FAM118B: variants seen among roughly 807,000 people sequenced by gnomAD.
FAM118B encodes the protein protein FAM118B.
Under a neutral mutation model 38.5 loss-of-function variants are expected in FAM118B, and 24 were observed. That is an observed-to-expected ratio of 0.62 (90% confidence interval 0.45 to 0.88). The LOEUF (loss-of-function observed/expected upper bound fraction) is 0.88, where lower values mean the gene tolerates loss of function less well. Ranked by LOEUF, FAM118B falls within the 40% of genes least tolerant of loss-of-function variation. The pLI is 0.00. For missense variants in FAM118B, 334 were observed against 420.0 expected (o/e 0.80, Z 1.79); for synonymous variants, 138 against 156.3 (o/e 0.88, Z 0.87).
intron 1 of FAM118B, among the ~76,000 whole-genome samples, chr11:126,226,808 C>T (rs540058859): frequency 4.3e-4 from 65 of 151,958 alleles, no homozygotes; most frequent in African/African-American, 1.5e-3. Context: ...TGGTGAAACC[C>T]CGTGTCTACA....
At chr11:126,234,788 A>T (rs992514715) in intron 2 of FAM118B, among the ~76,000 whole-genome samples, 1 of 152,320 alleles carries the variant, frequency 6.6e-6, no homozygotes, top group Non-Finnish European at 1.5e-5. Context: ...CCAAAGTCCT[A>T]TAATTTCCAG....
intron 4 of FAM118B, among the ~76,000 whole-genome samples, chr11:126,249,348 T>C (rs1254792736): frequency 6.6e-6 from 1 of 152,224 alleles, no homozygotes; most frequent in Non-Finnish European, 1.5e-5. Flanking sequence ...TTCTTCAGAA[T>C]AAACCTATGA....
At chr11:126,245,222 G>A (rs1308774273) in intron 4 of FAM118B, 1 of 151,872 alleles carries the variant, frequency 6.6e-6, no homozygotes, top group Non-Finnish European at 1.5e-5. Flanking sequence ...GATCAGTAGT[G>A]GGATTGCGTC....
intron 8 of FAM118B, among the ~76,000 whole-genome samples, 193 bp downstream of exon 8, chr11:126,261,677 A>G (rs572678998): frequency 8.5e-5 from 13 of 152,206 alleles, no homozygotes; most frequent in Non-Finnish European, 4.4e-5. Flanking sequence ...AATCTAGTGC[A>G]GTGATCAGTT....
At chr11:126,218,746 T>C (rs117709457) in intron 1 of FAM118B, among the ~76,000 whole-genome samples, 203 of 152,332 alleles carry the variant, frequency 1.3e-3, no homozygotes, top group Non-Finnish European at 2.4e-3. Context: ...GTGGCTGGTA[T>C]ATATGGATTT....
At chr11:126,217,076 G>A (rs1021836054) in intron 1 of FAM118B, among the ~76,000 whole-genome samples, 2 of 152,204 alleles carry the variant, frequency 1.3e-5, no homozygotes, top group Non-Finnish European at 2.9e-5. Flanking sequence ...AGACGTGGGA[G>A]GAAAGCAGAA....
At chr11:126,246,730 C>T (rs1182042904) in intron 4 of FAM118B, among the ~76,000 whole-genome samples, 1 of 152,048 alleles carries the variant, frequency 6.6e-6, no homozygotes, top group Non-Finnish European at 1.5e-5. Context: ...CTTGAGCTAC[C>T]ATGCCAATTT....
chr11:126,240,715 ACCTG>A lies in FAM118B; in HGVS notation c.87-76_87-73del, dbSNP rs377121357. ...CTATAAAAGTTAGCTAAAAACTGTA[ACCTG>A]AGTCAGACAGTCTTTCTGTGTGCCT... On this transcript the variant is annotated intron_variant, in intron 3 of 8. Coordinates refer to ENST00000533050, the MANE Select transcript of FAM118B (RefSeq NM_024556.4). 4.8e-4 allele frequency: 689 copies of A among 1,422,626 alleles called. 4 individuals carry two copies. In the African/African-American group the frequency reaches 8.0e-3, roughly 17 times the overall value. The allele number at this position is 1,422,626 out of a possible 1,614,324, so 88.1% of individuals were successfully genotyped here.
intron 3 of FAM118B, among the ~76,000 whole-genome samples, chr11:126,236,444 G>A (rs746532977): frequency 2.0e-5 from 3 of 152,138 alleles, no homozygotes; most frequent in Non-Finnish European, 4.4e-5. Context: ...TGTATTGTAT[G>A]ACCTCTTTCC....
chr11:126,249,187 C>A (rs1950463273), intron 4 of FAM118B, among the ~76,000 whole-genome samples: 1 of 151,726 alleles, frequency 6.6e-6, no homozygotes, highest in Non-Finnish European at 1.5e-5. Context: ...CCTACCTGGA[C>A]AACATAGCCA....
In FAM118B at chr11:126,214,673, A is replaced by G. The variant is rs368416337; in HGVS notation, c.-77+2843A>G. ...TTCTTAGAACAAGGAAGGAAATTCT[A>G]TTAGTGATTTCTTCATTCTTGCAGA... On this transcript the variant is annotated intron_variant, in intron 1 of 8. Transcript: ENST00000533050. 9.2e-5 allele frequency among the ~76,000 whole-genome samples: 14 copies of G among 152,026 alleles called. No homozygotes were observed. The East Asian group carries it at 1.9e-3, about 21-fold the overall frequency.
chr11:126,261,378 GT>G (rs1463404828), intron 7 of FAM118B, 46 bp from the exon 8 acceptor site: 12 of 1,540,688 alleles, frequency 7.8e-6, no homozygotes, highest in Non-Finnish European at 9.9e-6. Context: ...GCTATTAATA[GT>G]TTTAGCTTTT....
chr11:126,219,349 C>CTTCTTTTTTTTTTTTTTT (rs1950028762), intron 1 of FAM118B, among the ~76,000 whole-genome samples: 1 of 44,414 alleles, frequency 2.3e-5, no homozygotes, highest in Non-Finnish European at 3.9e-5. Context: ...TCTTGTTTAT[C>CTTCTTTTTTTTTTTTTTT]TTTTTTTTTT....
intron 1 of FAM118B, among the ~76,000 whole-genome samples, chr11:126,220,528 A>G (rs1470012599): frequency 6.6e-6 from 1 of 152,116 alleles, no homozygotes; most frequent in Non-Finnish European, 1.5e-5. Context: ...AGCCTGGTCA[A>G]CATAGCAAGA....
chr11:126,245,668 T>TG (rs1304682555), intron 4 of FAM118B, among the ~76,000 whole-genome samples: 5 of 151,924 alleles, frequency 3.3e-5, no homozygotes, highest in Non-Finnish European at 7.4e-5. Flanking sequence ...TACCTCAGCC[T>TG]GGGCAACATA....
intron 1 of FAM118B, among the ~76,000 whole-genome samples, chr11:126,219,033 C>T (rs1185367646): frequency 1.3e-5 from 2 of 152,138 alleles, no homozygotes; most frequent in African/African-American, 2.4e-5. Context: ...GTTAAATAGA[C>T]TTTATGCCAA....
chr11:126,233,818 C>T, intron 2 of FAM118B: 1 of 438,028 alleles, frequency 2.3e-6, no homozygotes, highest in South Asian at 1.6e-5. Context: ...TGCAGTGGCT[C>T]ATGCCTGTAA....
intron 3 of FAM118B, among the ~76,000 whole-genome samples, chr11:126,239,166 G>A (rs1004400286): frequency 6.6e-6 from 1 of 151,604 alleles, no homozygotes; most frequent in African/African-American, 2.4e-5. Flanking sequence ...GCAGAGATGG[G>A]GTCTCACTAA....
chr11:126,251,738 T>C (rs1172987534), intron 5 of FAM118B, among the ~76,000 whole-genome samples: 3 of 151,940 alleles, frequency 2.0e-5, no homozygotes. Flanking sequence ...CAGCTTTTTT[T>C]TTTTTTTTTT....
Sources: gnomAD v4.1 joint callset for allele counts (sites outside exome capture counted in the v4.1 genomes callset) on GRCh38, gnomAD v4.1.1 for gene constraint, MANE v1.5 for transcripts, NCBI Gene and HGNC (gene_info 2026-07-23, HGNC 2026-07-21) for gene names.